SYNE2: variants seen among roughly 807,000 people sequenced by gnomAD.
SYNE2 encodes nesprin-2.
A neutral mutation model predicts 856.3 loss-of-function variants in SYNE2; 431 were observed. That is an observed-to-expected ratio of 0.50 (90% confidence interval 0.47 to 0.55). The LOEUF is 0.55. Among genes scored for constraint, SYNE2 ranks in the 20% least tolerant of loss-of-function variants. The pLI is 0.00. For missense variants in SYNE2, 8,129 were observed against 8,023.2 expected (o/e 1.01, Z -0.50); for synonymous variants, 2,923 against 2,872.3 (o/e 1.02, Z -0.56).
intron 110 of SYNE2, 125 bp from the exon 111 acceptor site, chr14:64,220,312 C>G: frequency 9.3e-7 from 1 of 1,071,426 alleles, no homozygotes; most frequent in South Asian, 1.3e-5. Context: ...CAGGCGAGGT[C>G]ACTCTCATTT....
At chr14:63,830,579 T>A (rs189175084) in intron 1 of SYNE2, among the ~76,000 whole-genome samples, 6 of 151,988 alleles carry the variant, frequency 3.9e-5, no homozygotes, top group Admixed American at 3.9e-4. Flanking sequence ...GAGGATTGCA[T>A]GAGCCCAGGT....
intron 34 of SYNE2, among the ~76,000 whole-genome samples, chr14:64,019,363 G>A (rs2096919345): frequency 6.6e-6 from 1 of 151,946 alleles, no homozygotes; most frequent in African/African-American, 2.4e-5. Context: ...AAAAATGTAT[G>A]CTAATGCCTC....
intron 45 of SYNE2, among the ~76,000 whole-genome samples, chr14:64,041,942 A>G (rs1380905300): frequency 6.6e-6 from 1 of 152,172 alleles, no homozygotes; most frequent in Non-Finnish European, 1.5e-5. Context: ...GGATAAATCA[A>G]TAACTATCTA....
chr14:64,175,402 A>G (rs1333414240), intron 95 of SYNE2, among the ~76,000 whole-genome samples: 2 of 152,226 alleles, frequency 1.3e-5, no homozygotes, highest in African/African-American at 2.4e-5. Flanking sequence ...TGAAAGTTCA[A>G]TACATAAAAC....
intron 1 of SYNE2, among the ~76,000 whole-genome samples, chr14:63,854,913 C>T (rs1891349114): frequency 1.3e-5 from 2 of 152,068 alleles, no homozygotes; most frequent in African/African-American, 4.8e-5. Flanking sequence ...AATAAGGGAA[C>T]GGGTGAAAAG....
chr14:64,173,121 C>G (rs374498855), intron 94 of SYNE2, among the ~76,000 whole-genome samples: 1 of 152,148 alleles, frequency 6.6e-6, no homozygotes, highest in Non-Finnish European at 1.5e-5. Flanking sequence ...TAAAGGACTT[C>G]AGCTTCTGTA....
In SYNE2 at chr14:63,966,375, T is replaced by G. The variant is rs61984091; in HGVS notation, c.991-1334T>G. ...ACAAAAAATACAAAAAAAAAAAAAT[T>G]AGCTGGACGTGGTGGTGCACTCCTG... is the stretch of plus-strand genomic sequence containing the variant. On this transcript the variant is annotated intron_variant, in intron 10 of 115. Transcript: ENST00000555002. 2.0e-5 allele frequency among the ~76,000 whole-genome samples: 3 copies of G among 151,488 alleles called. No homozygotes were observed. In the South Asian group the frequency reaches 6.3e-4, roughly 32 times the overall value.
At chr14:63,943,929 A>C (rs981716484) in intron 6 of SYNE2, among the ~76,000 whole-genome samples, 1 of 152,022 alleles carries the variant, frequency 6.6e-6, no homozygotes, top group Non-Finnish European at 1.5e-5. Context: ...TCAGCCTCCA[A>C]AAGTGCTGGG....
rs1205068441 is a variant in SYNE2, at chr14:63,948,780, GTGTATATATATATATATATATA to G, written c.409-1043_409-1022del. Among the ~76,000 whole-genome samples the G allele has an allele frequency of 3.5e-4, 29 of 81,992 alleles. 1 individual carries two copies. Among genetic ancestry groups the G allele is most frequent in the African/African-American group, 9.5e-4 (19 of 20,080 alleles). 53.8% of individuals were successfully genotyped at this position (81,992 alleles called of 152,430 possible). On this transcript the variant is annotated intron_variant, in intron 6 of 115. Coordinates refer to ENST00000555002, the MANE Select transcript of SYNE2 (RefSeq NM_182914.3). ...TATATGTATATATATGTATGTGTGTGTGTATATATATATATATATATATATATATATATATATATATATGTAG... is the reference window on the plus strand; with the variant it reads ...TATATGTATATATATGTATGTGTGTGTATATATATATATATATATATGTAG...
At chr14:63,769,945 T>G (rs555922996) in intron 1 of SYNE2, among the ~76,000 whole-genome samples, 96 of 152,042 alleles carry the variant, frequency 6.3e-4, no homozygotes, top group African/African-American at 2.2e-3. Flanking sequence ...GAGATGGTCT[T>G]GCTCTGTTGT....
intron 48 of SYNE2, among the ~76,000 whole-genome samples, chr14:64,055,438 G>A (rs570309082): frequency 4.1e-5 from 6 of 145,836 alleles, no homozygotes; most frequent in African/African-American, 1.3e-4. Flanking sequence ...GCGCGATCTC[G>A]GCTCACTGCA....
intron 1 of SYNE2, among the ~76,000 whole-genome samples, chr14:63,908,192 A>G (rs2095431329): frequency 6.6e-6 from 1 of 152,136 alleles, no homozygotes; most frequent in African/African-American, 2.4e-5. Context: ...AATTTCTAGT[A>G]TACAGCAAAG....
intron 1 of SYNE2, among the ~76,000 whole-genome samples, chr14:63,825,147 A>T (rs1360364277): frequency 6.6e-6 from 1 of 152,194 alleles, no homozygotes; most frequent in Middle Eastern, 3.2e-3. Flanking sequence ...GATAAAGGAC[A>T]TTGATGAAGA....
At chr14:63,865,353 G>A (rs1894923027) in intron 1 of SYNE2, among the ~76,000 whole-genome samples, 1 of 140,976 alleles carries the variant, frequency 7.1e-6, no homozygotes, top group Non-Finnish European at 1.5e-5. Flanking sequence ...GCAAGGTGCT[G>A]TGGGTGCATA....
chr14:63,942,288 A>G, intron 6 of SYNE2, 145 bp downstream of exon 6: 1 of 661,302 alleles, frequency 1.5e-6, no homozygotes, highest in Non-Finnish European at 2.7e-6. Flanking sequence ...GTAGAAAATA[A>G]TAGCAGACTT....
intron 1 of SYNE2, among the ~76,000 whole-genome samples, chr14:63,833,705 T>C (rs533820249): frequency 6.6e-6 from 1 of 152,358 alleles, no homozygotes; most frequent in East Asian, 1.9e-4. Context: ...ATGTGCTTTG[T>C]ACCCTTCCTT....
At chr14:64,158,817 A>G in intron 86 of SYNE2, 22 bp downstream of exon 86, 4 of 1,613,074 alleles carry the variant, frequency 2.5e-6, no homozygotes, top group African/African-American at 2.7e-5. Flanking sequence ...AGAGCTTGGC[A>G]TGGTGCATTA....
intron 66 of SYNE2, among the ~76,000 whole-genome samples, chr14:64,116,386 A>C (rs901946926): frequency 1.3e-5 from 2 of 152,164 alleles, no homozygotes; most frequent in African/African-American, 2.4e-5. Context: ...TCAGTTGTCA[A>C]CATATAAGCT....
At chr14:63,867,238 C>T (rs1895595538) in intron 1 of SYNE2, among the ~76,000 whole-genome samples, 1 of 152,140 alleles carries the variant, frequency 6.6e-6, no homozygotes, top group Non-Finnish European at 1.5e-5. Flanking sequence ...CTCATTTACC[C>T]CATGATTCTG....
Sources: allele counts gnomAD v4.1 joint callset (sites outside exome capture counted in the v4.1 genomes callset), GRCh38; gene constraint gnomAD v4.1.1; transcripts MANE v1.5; gene names NCBI Gene and HGNC (gene_info 2026-07-23, HGNC 2026-07-21).